Variants in KCND2 observed in about 807,000 individuals in gnomAD.
The protein encoded by KCND2 is potassium voltage-gated channel subfamily D member 2, also known as A-type voltage-gated potassium channel KCND2.
In KCND2, 16 loss-of-function variants were observed where a neutral mutation model predicts 54.4. The observed-to-expected ratio is 0.29, with a 90% CI of 0.20 to 0.45. The LOEUF is 0.45. Ranked by LOEUF, KCND2 falls within the 20% of genes least tolerant of loss-of-function variation. KCND2 has a pLI of 1.00. For synonymous variants in KCND2, 317 were observed against 310.7 expected (o/e 1.02, Z -0.21); for missense variants, 486 against 824.2 (o/e 0.59, Z 5.02).
chr7:120,523,736 GTGTGTGTGTGTA>G (rs1304628751), intron 1 of KCND2, among the ~76,000 whole-genome samples: 3 of 144,516 alleles, frequency 2.1e-5, no homozygotes, highest in African/African-American at 7.6e-5. Flanking sequence ...GTGTGTGTGT[GTGTGTGTGTGTA>G]TGTCTTTGGC....
chr7:120,688,430 A>G (rs1792230517), intron 1 of KCND2, among the ~76,000 whole-genome samples: 1 of 152,150 alleles, frequency 6.6e-6, no homozygotes, highest in Non-Finnish European at 1.5e-5. Context: ...TTAAAAATGT[A>G]AGAATCCTTC....
chr7:120,580,273 A>G (rs534974141), intron 1 of KCND2, among the ~76,000 whole-genome samples: 4 of 152,372 alleles, frequency 2.6e-5, no homozygotes, highest in South Asian at 4.1e-4. Flanking sequence ...TCGTTATCCA[A>G]CTAAGCTATT....
intron 1 of KCND2, among the ~76,000 whole-genome samples, chr7:120,665,069 A>G (rs975837230): frequency 2.6e-5 from 4 of 152,064 alleles, no homozygotes; most frequent in African/African-American, 9.7e-5. Flanking sequence ...CCAGGGACCC[A>G]AAATGCTGAT....
intron 1 of KCND2, among the ~76,000 whole-genome samples, chr7:120,611,468 T>A (rs937014390): frequency 2.6e-5 from 4 of 152,122 alleles, no homozygotes; most frequent in African/African-American, 9.7e-5. Flanking sequence ...AGAAATGAAC[T>A]TTTGCTGTCA....
chr7:120,575,839 C>T (rs1562877261), intron 1 of KCND2, among the ~76,000 whole-genome samples: 1 of 152,160 alleles, frequency 6.6e-6, no homozygotes, highest in Admixed American at 6.5e-5. Flanking sequence ...TTCACATGCC[C>T]TTGCAAGAAT....
chr7:120,643,175 A>C (rs189724215), intron 1 of KCND2, among the ~76,000 whole-genome samples: 1 of 152,190 alleles, frequency 6.6e-6, no homozygotes, highest in Non-Finnish European at 1.5e-5. Flanking sequence ...TTTTCCACAT[A>C]TAAGTATTTA....
At chr7:120,434,302 T>C (rs1038547656) in intron 1 of KCND2, among the ~76,000 whole-genome samples, 3 of 152,360 alleles carry the variant, frequency 2.0e-5, no homozygotes, top group African/African-American at 7.2e-5. Flanking sequence ...TTGTTGATTT[T>C]GCTTTTTGAC....
chr7:120,528,510 G>T (rs1171682391), intron 1 of KCND2, among the ~76,000 whole-genome samples: 2 of 152,074 alleles, frequency 1.3e-5, no homozygotes, highest in African/African-American at 2.4e-5. Context: ...GTGTCATTTA[G>T]AAGTAAACTA....
intron 1 of KCND2, among the ~76,000 whole-genome samples, chr7:120,524,653 T>A (rs998322376): frequency 6.6e-6 from 1 of 152,232 alleles, no homozygotes; most frequent in South Asian, 2.1e-4. Flanking sequence ...AGGTCATTGA[T>A]ATTTTAGCTC....
At chr7:120,494,138 TAAGTA>T (rs977030196) in intron 1 of KCND2, among the ~76,000 whole-genome samples, 11 of 152,206 alleles carry the variant, frequency 7.2e-5, no homozygotes, top group Non-Finnish European at 1.3e-4. Context: ...AATAAAATAA[TAAGTA>T]AAGCAAAGCT....
intron 1 of KCND2, among the ~76,000 whole-genome samples, chr7:120,725,868 T>C (rs1211485947): frequency 6.6e-6 from 1 of 152,174 alleles, no homozygotes; most frequent in Non-Finnish European, 1.5e-5. Flanking sequence ...AAACATATAG[T>C]ATCATGGAGT....
rs551815449 is a variant in KCND2, at chr7:120,401,847, C to T, written c.1115+126100C>T. On this transcript the variant is annotated intron_variant, in intron 1 of 5. Transcript: ENST00000331113. Reference sequence around the variant, plus strand: ...AGACTTATTTTTCTATCCTTTCTTTCTCTCTGAATAACTTATATCCTAAAG... The same window carrying T: ...AGACTTATTTTTCTATCCTTTCTTTTTCTCTGAATAACTTATATCCTAAAG... 4.6e-5 allele frequency among the ~76,000 whole-genome samples: 7 copies of T among 152,214 alleles called. No homozygotes were observed. In the East Asian group the frequency reaches 1.2e-3, roughly 25 times the overall value.
chr7:120,530,972 A>G (rs1012846284), intron 1 of KCND2, among the ~76,000 whole-genome samples: 2 of 151,946 alleles, frequency 1.3e-5, no homozygotes, highest in Non-Finnish European at 1.5e-5. Flanking sequence ...TTTTTTCTGT[A>G]TACAACTCAC....
intron 1 of KCND2, among the ~76,000 whole-genome samples, chr7:120,574,892 CAATGTAA>C (rs1395931758): frequency 6.6e-6 from 1 of 151,738 alleles, no homozygotes; most frequent in Non-Finnish European, 1.5e-5. Context: ...TCTATGTAAA[CAATGTAA>C]AAAATACAGC....
At chr7:120,322,018 G>T (rs1314091200) in intron 1 of KCND2, among the ~76,000 whole-genome samples, 1 of 151,824 alleles carries the variant, frequency 6.6e-6, no homozygotes, top group African/African-American at 2.4e-5. Context: ...AAATGATAAG[G>T]ATATTGCAAG....
chr7:120,488,581 C>T (rs1207231179), intron 1 of KCND2, among the ~76,000 whole-genome samples: 1 of 151,956 alleles, frequency 6.6e-6, no homozygotes, highest in South Asian at 2.1e-4. Context: ...AATATATTAT[C>T]GTAACCACAA....
chr7:120,737,068 ACAC>A (rs1792880940), intron 2 of KCND2, among the ~76,000 whole-genome samples: 1 of 144,056 alleles, frequency 6.9e-6, no homozygotes, highest in African/African-American at 2.6e-5. Flanking sequence ...ACACACACAC[ACAC>A]ACACAAACAA....
intron 1 of KCND2, among the ~76,000 whole-genome samples, chr7:120,625,828 A>ATTT: frequency 6.6e-6 from 1 of 152,196 alleles, no homozygotes. Flanking sequence ...TTCAGTGGTG[A>ATTT]TATAGGTTTT....
At chr7:120,513,512 T>C (rs1803150854) in intron 1 of KCND2, among the ~76,000 whole-genome samples, 1 of 152,146 alleles carries the variant, frequency 6.6e-6, no homozygotes, top group Non-Finnish European at 1.5e-5. Flanking sequence ...AAACAAATTA[T>C]TGGACTGATT....
Sources: gnomAD v4.1 joint callset for allele counts (sites outside exome capture counted in the v4.1 genomes callset) on GRCh38, gnomAD v4.1.1 for gene constraint, MANE v1.5 for transcripts, NCBI Gene and HGNC (gene_info 2026-07-23, HGNC 2026-07-21) for gene names.